The following ARHGAP15 variants were observed in gnomAD, a reference collection of about 807,000 sequenced individuals.
ARHGAP15 encodes Rho GTPase activating protein 15.
ARHGAP15 carries 51 observed loss-of-function variants against 63.7 expected under a neutral mutation model. The ratio of observed to expected loss-of-function variants is 0.80; its 90% confidence interval spans 0.64 to 1.01. ARHGAP15 has a LOEUF of 1.01. Ranked by LOEUF, ARHGAP15 falls within the 50% of genes least tolerant of loss-of-function variation. The pLI, the probability that ARHGAP15 is intolerant of heterozygous loss-of-function variation, is 0.00. For synonymous variants in ARHGAP15, 191 were observed against 193.8 expected, an observed-to-expected ratio of 0.99 and a Z score of 0.12; for missense variants, 560 against 564.6, an observed-to-expected ratio of 0.99 and a Z score of 0.08.
intron 6 of ARHGAP15, among the ~76,000 whole-genome samples, chr2:143,341,466 T>C (rs1685054080): frequency 6.6e-6 from 1 of 152,134 alleles, no homozygotes; most frequent in African/African-American, 2.4e-5. Context: ...CCACTCCCAA[T>C]GCATTTTCTG....
At chr2:143,586,672 T>C (rs1349742497) in intron 11 of ARHGAP15, among the ~76,000 whole-genome samples, 8 of 138,148 alleles carry the variant, frequency 5.8e-5, no homozygotes, top group African/African-American at 2.4e-4. Context: ...GCATAATATG[T>C]AAATATTTTT....
At chr2:143,581,476 T>C (rs1696901540) in intron 11 of ARHGAP15, among the ~76,000 whole-genome samples, 1 of 152,170 alleles carries the variant, frequency 6.6e-6, no homozygotes, top group African/African-American at 2.4e-5. Context: ...AAACTGTCCT[T>C]AAATTTCCCA....
intron 9 of ARHGAP15, among the ~76,000 whole-genome samples, chr2:143,497,991 C>G (rs1692893622): frequency 6.6e-6 from 1 of 152,144 alleles, no homozygotes; most frequent in Non-Finnish European, 1.5e-5. Flanking sequence ...ATGTGTTAGA[C>G]TGCTACGAGC....
chr2:143,402,184 G>GT (rs1159238532), intron 6 of ARHGAP15, among the ~76,000 whole-genome samples: 1 of 151,614 alleles, frequency 6.6e-6, no homozygotes, highest in African/African-American at 2.4e-5. Context: ...ACACCTCAGT[G>GT]TTTTTTTAAT....
In ARHGAP15 at chr2:143,137,850, A is replaced by C. The variant is rs1298350166; in HGVS notation, c.-15+8384A>C. ...CTGCTTTAGTTAATTTCATGTTAGA[A>C]TTTTAAAGACTAGAAACTGAGCAAT... is the stretch of plus-strand genomic sequence containing the variant. On this transcript the variant is annotated intron_variant, in intron 1 of 13. Transcript: ENST00000295095. Among the ~76,000 whole-genome samples, 8 of 152,082 alleles carry C rather than the reference A, an allele frequency of 5.3e-5. No individual in the cohort carries two copies. The East Asian group carries it at 1.5e-3, about 29-fold the overall frequency.
chr2:143,754,617 G>T lies in ARHGAP15; in HGVS notation c.1245-13372G>T, dbSNP rs150209082. ...TCCCCAAAGAGAAGAATACAGATCT[G>T]TCTGATTCTCAGGATCCTCAAGCCT... On this transcript the variant is annotated intron_variant, in intron 13 of 13. Coordinates refer to ENST00000295095, the MANE Select transcript of ARHGAP15 (RefSeq NM_018460.4). Among the ~76,000 whole-genome samples the T allele has an allele frequency of 9.4e-3, 1,430 of 152,270 alleles. 11 individuals are homozygous for T. The highest frequency in any genetic ancestry group is 0.016 in the Non-Finnish European group (1,069 of 68,000).
intron 6 of ARHGAP15, among the ~76,000 whole-genome samples, chr2:143,294,461 C>A (rs942853315): frequency 3.3e-5 from 5 of 151,984 alleles, no homozygotes; most frequent in Admixed American, 6.6e-5. Flanking sequence ...TCAGCATGGA[C>A]ATTGTTGATT....
intron 11 of ARHGAP15, among the ~76,000 whole-genome samples, chr2:143,609,416 TC>T (rs1379608845): frequency 6.6e-6 from 1 of 152,162 alleles, no homozygotes; most frequent in Non-Finnish European, 1.5e-5. Context: ...AGTTTAATGT[TC>T]CTTTAACATA....
At chr2:143,242,205 C>G (rs189474361) in intron 5 of ARHGAP15, among the ~76,000 whole-genome samples, 1 of 152,274 alleles carries the variant, frequency 6.6e-6, no homozygotes, top group African/African-American at 2.4e-5. Flanking sequence ...AAAGGCCCTT[C>G]TATAGTCTGG....
intron 6 of ARHGAP15, among the ~76,000 whole-genome samples, chr2:143,275,930 C>CTT (rs1189790838): frequency 2.6e-5 from 4 of 152,196 alleles, no homozygotes; most frequent in Non-Finnish European, 5.9e-5. Context: ...ACAGGTAGGG[C>CTT]TTGTAAGTCT....
chr2:143,307,785 A>G (rs1176343986), intron 6 of ARHGAP15, among the ~76,000 whole-genome samples: 1 of 152,148 alleles, frequency 6.6e-6, no homozygotes, highest in Non-Finnish European at 1.5e-5. Flanking sequence ...CAGCTGGTAA[A>G]ATAAATTACA....
chr2:143,211,157 A>T lies in ARHGAP15; in HGVS notation c.235-5227A>T, dbSNP rs186992034. Among the ~76,000 whole-genome samples, 15 of 152,278 alleles carry T rather than the reference A, an allele frequency of 9.9e-5. No individual in the cohort carries two copies. The East Asian group carries it at 2.1e-3, about 22-fold the overall frequency. On this transcript the variant is annotated intron_variant, in intron 3 of 13. Transcript: ENST00000295095. ...TTCGCCGGTAATGAGCAAATCAAATATAGCATGAATAGCAGAGACAGTATG... is the reference window on the plus strand; with the variant it reads ...TTCGCCGGTAATGAGCAAATCAAATTTAGCATGAATAGCAGAGACAGTATG...
intron 5 of ARHGAP15, among the ~76,000 whole-genome samples, chr2:143,229,609 C>G (rs914572256): frequency 6.6e-6 from 1 of 152,120 alleles, no homozygotes; most frequent in Admixed American, 6.6e-5. Context: ...AACTAACCTG[C>G]CACAGCCCAT....
chr2:143,250,403 C>A, intron 5 of ARHGAP15, 108 bp from the exon 6 acceptor site: 1 of 756,266 alleles, frequency 1.3e-6, no homozygotes, highest in South Asian at 2.3e-5. Context: ...ACAAAAAAGG[C>A]ATTATATCAT....
intron 8 of ARHGAP15, among the ~76,000 whole-genome samples, chr2:143,478,693 A>C (rs545995289): frequency 1.4e-5 from 2 of 146,442 alleles, no homozygotes; most frequent in East Asian, 4.8e-4. Context: ...TAACTTCAAA[A>C]TATTAGTCAT....
At chr2:143,152,132 ACT>A (rs1689849968) in intron 1 of ARHGAP15, among the ~76,000 whole-genome samples, 1 of 151,808 alleles carries the variant, frequency 6.6e-6, no homozygotes, top group Admixed American at 6.6e-5. Flanking sequence ...AAGGGATGGG[ACT>A]CTCAGTCAAT....
At chr2:143,361,044 T>C (rs1686029845) in intron 6 of ARHGAP15, among the ~76,000 whole-genome samples, 1 of 152,128 alleles carries the variant, frequency 6.6e-6, no homozygotes, top group Non-Finnish European at 1.5e-5. Flanking sequence ...AGAAATGCCA[T>C]TGGCACGTTC....
intron 6 of ARHGAP15, among the ~76,000 whole-genome samples, chr2:143,366,047 T>G (rs1558923100): frequency 6.6e-6 from 1 of 152,196 alleles, no homozygotes; most frequent in Admixed American, 6.5e-5. Flanking sequence ...TTATTACCAC[T>G]AATTTCTCCA....
At chr2:143,558,156 T>C (rs1371903209) in intron 11 of ARHGAP15, among the ~76,000 whole-genome samples, 2 of 152,176 alleles carry the variant, frequency 1.3e-5, no homozygotes, top group Admixed American at 1.3e-4. Context: ...AATAGCTGGC[T>C]TCAGGTCCTC....
Sources: gnomAD v4.1 joint callset for allele counts (sites outside exome capture counted in the v4.1 genomes callset) on GRCh38, gnomAD v4.1.1 for gene constraint, MANE v1.5 for transcripts, NCBI Gene and HGNC (gene_info 2026-07-23, HGNC 2026-07-21) for gene names.